KDM4B: variants seen among roughly 807,000 people sequenced by gnomAD.
KDM4B encodes lysine-specific demethylase 4B.
KDM4B carries 32 observed loss-of-function variants against 125.2 expected under a neutral mutation model. The ratio of observed to expected loss-of-function variants is 0.26; its 90% CI spans 0.19 to 0.34. KDM4B has a LOEUF of 0.34. Among genes scored for constraint, KDM4B ranks in the 10% least tolerant of loss-of-function variants. The probability of loss-of-function intolerance (pLI) is 1.00; values close to 1 mark genes in which losing one functional copy is unlikely to be tolerated. For synonymous variants in KDM4B, 721 were observed against 677.9 expected, an observed-to-expected ratio of 1.06 and a Z score of -0.99; for missense variants, 1,190 against 1,577.7, an observed-to-expected ratio of 0.75 and a Z score of 4.16.
At chr19:4,988,825 C>T (rs1026689437) in intron 1 of KDM4B, among the ~76,000 whole-genome samples, 5 of 152,144 alleles carry the variant, frequency 3.3e-5, no homozygotes, top group South Asian at 4.1e-4. Flanking sequence ...ACCTCAGCTT[C>T]CTCGCAGAGG....
chr19:5,101,823 G>A (rs2038941544), intron 9 of KDM4B, among the ~76,000 whole-genome samples: 1 of 152,170 alleles, frequency 6.6e-6, no homozygotes, highest in African/African-American at 2.4e-5. Flanking sequence ...AGGCCCTTTG[G>A]GTCTCTCCCC....
intron 9 of KDM4B, among the ~76,000 whole-genome samples, chr19:5,096,560 G>A (rs2145934754): frequency 6.6e-6 from 1 of 152,290 alleles, no homozygotes; most frequent in East Asian, 1.9e-4. Flanking sequence ...GTGCGATGTG[G>A]CATTTCTACA....
intron 1 of KDM4B, among the ~76,000 whole-genome samples, chr19:4,978,169 G>A (rs1019832955): frequency 1.3e-5 from 2 of 152,108 alleles, no homozygotes; most frequent in Admixed American, 6.6e-5. Context: ...CCCCAGGAAG[G>A]GGGGACGAGG....
At chr19:5,041,960 G>T (rs527514060) in intron 5 of KDM4B, among the ~76,000 whole-genome samples, 1 of 152,340 alleles carries the variant, frequency 6.6e-6, no homozygotes, top group African/African-American at 2.4e-5. Flanking sequence ...TGAGCCGAGG[G>T]CGCCGGTTTA....
At position 5,110,835 on chromosome 19, in the gene KDM4B, C is replaced by G. The variant is rs1046223417; in HGVS notation, c.1115+17C>G. 11 of 1,541,144 alleles carry G rather than the reference C, an allele frequency of 7.1e-6. No individual in the cohort carries two copies. In the East Asian group the frequency reaches 1.4e-4, roughly 20 times the overall value. ...CCTCCGCAGGTGAGTTGCCAAGGGA[C>G]TGCCGCGTGACTGCCCAGCATCACG... On this transcript the variant is annotated intron_variant, in intron 10 of 22. Transcript: ENST00000159111.
At chr19:5,102,322 CCAGGAGCCATGAGCGTGGCCTCCTTCCTG>C (rs2038952802) in intron 9 of KDM4B, among the ~76,000 whole-genome samples, 2 of 152,224 alleles carry the variant, frequency 1.3e-5, no homozygotes, top group African/African-American at 2.4e-5. Context: ...TCACTTAGAG[CCAGGAGCCATGAGCGTGGCCTCCTTCCTG>C]CAGTTGCCTC....
At chr19:5,094,589 T>G (rs1303458656) in intron 9 of KDM4B, among the ~76,000 whole-genome samples, 1 of 151,362 alleles carries the variant, frequency 6.6e-6, no homozygotes, top group Non-Finnish European at 1.5e-5. Context: ...GTGCCTGTGT[T>G]TTAGGGGTGG....
chr19:5,077,865 G>C, intron 8 of KDM4B: 1 of 216,130 alleles, frequency 4.6e-6, no homozygotes, highest in Non-Finnish European at 9.4e-6. Flanking sequence ...GGTTCCTACC[G>C]CCCCAGGCCA....
At chr19:5,111,195 TCTCA>T (rs1197656338) in intron 10 of KDM4B, among the ~76,000 whole-genome samples, 2 of 152,232 alleles carry the variant, frequency 1.3e-5, no homozygotes, top group Admixed American at 6.5e-5. Flanking sequence ...TCCCTGTCCC[TCTCA>T]CTCACCGCAT....
intron 1 of KDM4B, among the ~76,000 whole-genome samples, chr19:4,983,641 G>A (rs1027459532): frequency 1.3e-5 from 2 of 152,142 alleles, no homozygotes; most frequent in Non-Finnish European, 2.9e-5. Flanking sequence ...CTTAGGAGGC[G>A]CTTGGCACTG....
Position 5,020,413 on chromosome 19 carries a change from C to T in KDM4B, c.-26+4074C>T, listed in dbSNP as rs186470054. Among the ~76,000 whole-genome samples, 273 of 152,046 alleles carry T rather than the reference C, an allele frequency of 1.8e-3. 1 individual carries two copies. Among genetic ancestry groups the T allele is most frequent in the Non-Finnish European group, 3.2e-4 (22 of 67,958 alleles). ...TTGGGCCGACACATGGGTGTGGAAT[C>T]GCGGGTCCAAGGGTACATTCTGTTT... On this transcript the variant is annotated intron_variant, in intron 2 of 22. Transcript: ENST00000159111.
At position 5,134,013 on chromosome 19, in the gene KDM4B, C is replaced by T. The variant is rs779190643; in HGVS notation, c.2037C>T (p.Arg679=). The T allele has an allele frequency of 1.2e-6, 2 of 1,610,926 alleles. No homozygotes were observed. Among genetic ancestry groups the T allele is most frequent in the Non-Finnish European group, 1.7e-6 (2 of 1,179,748 alleles). ...AERKFNAAAA[R]TEPYCAICTL... Reference sequence around the variant, plus strand: ...GGAAGTTCAACGCAGCGGCTGCGCGCACGGAGCCCTACTGCGCCATCTGCA... The same window carrying T: ...GGAAGTTCAACGCAGCGGCTGCGCGTACGGAGCCCTACTGCGCCATCTGCA... Residue 679 remains arginine (R), a synonymous_variant, in exon 14 of 23, where the codon CGC becomes CGT. Transcript: ENST00000159111.
At chr19:5,103,407 G>T (rs543604083) in intron 9 of KDM4B, among the ~76,000 whole-genome samples, 2 of 152,318 alleles carry the variant, frequency 1.3e-5, no homozygotes, top group African/African-American at 4.8e-5. Context: ...CAGCAGCCCC[G>T]CCCGCTTTCT....
intron 11 of KDM4B, among the ~76,000 whole-genome samples, chr19:5,126,070 C>A (rs927909659): frequency 3.9e-5 from 6 of 152,348 alleles, no homozygotes; most frequent in Admixed American, 2.6e-4. Context: ...GACGCTGAGG[C>A]ACCTTTCAGG....
At chr19:5,034,409 AGACGCCGTGTG>A (rs2036552309) in intron 3 of KDM4B, among the ~76,000 whole-genome samples, 1 of 152,268 alleles carries the variant, frequency 6.6e-6, no homozygotes, top group Admixed American at 6.5e-5. Flanking sequence ...AAGAGCAACC[AGACGCCGTGTG>A]AATGAAAGTG....
At chr19:5,032,810 C>G in intron 2 of KDM4B, 56 bp from the exon 3 acceptor site, 1 of 1,518,482 alleles carries the variant, frequency 6.6e-7, no homozygotes, top group Admixed American at 1.8e-5. Context: ...AGGACGGGCT[C>G]CAAGGGCTGG....
chr19:5,084,670 G>A (rs1046814602), intron 9 of KDM4B, among the ~76,000 whole-genome samples: 6 of 148,082 alleles, frequency 4.1e-5, no homozygotes, highest in South Asian at 2.1e-4. Context: ...GATTTTGGCC[G>A]GACATGATGG....
chr19:5,150,533 C>A, intron 22 of KDM4B, 83 bp downstream of exon 22: 1 of 1,009,216 alleles, frequency 9.9e-7, no homozygotes, highest in South Asian at 1.4e-5. Flanking sequence ...CTGCGTCTTC[C>A]AATGGCGTGG....
At chr19:4,999,059 C>T (rs887539197) in intron 1 of KDM4B, among the ~76,000 whole-genome samples, 2 of 152,140 alleles carry the variant, frequency 1.3e-5, no homozygotes, top group Non-Finnish European at 2.9e-5. Flanking sequence ...TGTAAACACG[C>T]CGTTACTCCT....
Sources: allele counts gnomAD v4.1 joint callset (sites outside exome capture counted in the v4.1 genomes callset), GRCh38; gene constraint gnomAD v4.1.1; transcripts MANE v1.5; gene names NCBI Gene and HGNC (gene_info 2026-07-23, HGNC 2026-07-21).